Variants in PHLPP2 observed in about 807,000 individuals in gnomAD.
The protein encoded by PHLPP2 is PH domain leucine-rich repeat-containing protein phosphatase 2.
In PHLPP2, 66 loss-of-function variants were observed where a neutral mutation model predicts 124.9. That is an observed-to-expected ratio of 0.53 (90% CI 0.43 to 0.65). The LOEUF is 0.65. Among genes scored for constraint, PHLPP2 ranks in the 30% least tolerant of loss-of-function variants. The pLI is 0.00. For synonymous variants in PHLPP2, 681 were observed against 624.7 expected (o/e 1.09, Z -1.34); for missense variants, 1,685 against 1,600.4 (o/e 1.05, Z -0.90).
At chr16:71,720,005 G>C (rs1164882069) in intron 1 of PHLPP2, among the ~76,000 whole-genome samples, 1 of 102,266 alleles carries the variant, frequency 9.8e-6, no homozygotes, top group Non-Finnish European at 1.8e-5. Flanking sequence ...GAGTGTCGCT[G>C]TTGTCCAGGC....
At chr16:71,677,203 G>C (rs2044954636) in intron 8 of PHLPP2, 1 of 157,230 alleles carries the variant, frequency 6.4e-6, no homozygotes. Context: ...AAGGAAAAAA[G>C]AGGCCATATC....
At position 71,649,220 on chromosome 16, in the gene PHLPP2, G is replaced by A. The variant is rs1183233871; in HGVS notation, c.3642C>T (p.Gly1214=). The A allele has an allele frequency of 1.2e-6, 2 of 1,613,904 alleles. No homozygotes were observed. Among genetic ancestry groups the A allele is most frequent in the Non-Finnish European group, 1.7e-6 (2 of 1,179,862 alleles). ...TGTCCTTGCTCATTGGCAGGAGCAT[G>A]CCACTATTCACACTGTTCTGTCTTC... is the stretch of plus-strand genomic sequence containing the variant. The part of the protein sequence containing the change: ...GIRRQNSVNS[G]MLLPMSKDRM... Residue 1214 remains glycine, a synonymous_variant, in exon 19 of 19, where the codon GGC becomes GGT. Coordinates refer to ENST00000568954, the MANE Select transcript of PHLPP2 (RefSeq NM_015020.3).
At chr16:71,668,414 T>TA (rs2044858976) in intron 11 of PHLPP2, among the ~76,000 whole-genome samples, 1 of 43,656 alleles carries the variant, frequency 2.3e-5, no homozygotes, top group Non-Finnish European at 4.1e-5. Flanking sequence ...AGACTCTGTC[T>TA]CAAAAAAAAA....
chr16:71,658,890 C>A, intron 13 of PHLPP2, 75 bp from the exon 14 acceptor site: 1 of 1,370,230 alleles, frequency 7.3e-7, no homozygotes, highest in Non-Finnish European at 1.0e-6. Flanking sequence ...TCTACAGCAG[C>A]CACAGAGTAC....
At chr16:71,724,011 A>G (rs1193227257) in intron 1 of PHLPP2, 6 of 199,994 alleles carry the variant, frequency 3.0e-5, no homozygotes, top group African/African-American at 1.4e-4. Flanking sequence ...CCCCTCCCGC[A>G]GCCCCGCTGG....
Position 71,649,922 on chromosome 16 carries a change from C to T in PHLPP2, c.2940G>A (p.Leu980=), listed in dbSNP as rs1177084327. The T allele has an allele frequency of 6.2e-7, 1 of 1,614,194 alleles. No individual in the cohort carries two copies. Among genetic ancestry groups the T allele is most frequent in the East Asian group, 2.2e-5 (1 of 44,886 alleles). ...CCCACAATGCTTTGTTTCCCAGAAT[C>T]AGCAACTCATCTTGAATGGTCAGCG... ...STPLTIQDEL[L]ILGNKALWEH... is the part of the protein sequence containing the mutation. The change falls in exon 19 of 19, where the codon CTG becomes CTA. Residue 980 remains leucine, a synonymous_variant. Transcript: ENST00000568954.
At chr16:71,653,938 GTA>G (rs2044718627) in intron 17 of PHLPP2, among the ~76,000 whole-genome samples, 1 of 152,076 alleles carries the variant, frequency 6.6e-6, no homozygotes, top group Non-Finnish European at 1.5e-5. Context: ...GCTCACGCCT[GTA>G]ATCCCAGCAC....
intron 3 of PHLPP2, among the ~76,000 whole-genome samples, chr16:71,691,418 G>T (rs2045111389): frequency 6.6e-6 from 1 of 151,660 alleles, no homozygotes; most frequent in African/African-American, 2.4e-5. Context: ...CCAAGATCAT[G>T]CCACTGCACT....
At chr16:71,680,615 A>G (rs2044988151) in intron 6 of PHLPP2, among the ~76,000 whole-genome samples, 2 of 152,210 alleles carry the variant, frequency 1.3e-5, no homozygotes, top group African/African-American at 4.8e-5. Flanking sequence ...ATACTTCGTT[A>G]TTATACAAGT....
At chr16:71,669,471 G>A in intron 10 of PHLPP2, 101 bp from the exon 11 acceptor site, 1 of 802,306 alleles carries the variant, frequency 1.2e-6, no homozygotes, top group Non-Finnish European at 2.1e-6. Flanking sequence ...GAGCCCTTGA[G>A]GGCAGGAACA....
chr16:71,656,764 T>G, intron 15 of PHLPP2, 83 bp from the exon 16 acceptor site: 5 of 840,392 alleles, frequency 5.9e-6, no homozygotes, highest in Middle Eastern at 2.5e-4. Context: ...CTTTTTTTTT[T>G]TTTGAGATGG....
chr16:71,674,388 T>TGGGAA (rs2044924647), intron 9 of PHLPP2, among the ~76,000 whole-genome samples: 1 of 151,526 alleles, frequency 6.6e-6, no homozygotes, highest in Non-Finnish European at 1.5e-5. Context: ...CAGACTTTTT[T>TGGGAA]TTTTTTTTTT....
At chr16:71,655,113 A>G in intron 17 of PHLPP2, 127 bp downstream of exon 17, 1 of 681,760 alleles carries the variant, frequency 1.5e-6, no homozygotes, top group Non-Finnish European at 2.6e-6. Context: ...GAATGATCAT[A>G]GAAGACAACA....
At chr16:71,674,948 G>C (rs908821927) in intron 9 of PHLPP2, among the ~76,000 whole-genome samples, 1 of 152,218 alleles carries the variant, frequency 6.6e-6, no homozygotes, top group Non-Finnish European at 1.5e-5. Flanking sequence ...AGTGAGCTGA[G>C]ACCAGGCAAC....
chr16:71,660,807 G>A (rs895361696), intron 13 of PHLPP2, among the ~76,000 whole-genome samples: 1 of 152,000 alleles, frequency 6.6e-6, no homozygotes, highest in Non-Finnish European at 1.5e-5. Flanking sequence ...TTTCTGACTT[G>A]TAAATAGAAA....
At chr16:71,723,959 G>A (rs1420337128) in intron 1 of PHLPP2, 4 of 327,442 alleles carry the variant, frequency 1.2e-5, no homozygotes, top group Admixed American at 6.3e-5. Flanking sequence ...CCCGCCCCCC[G>A]CGGCCCGCCG....
chr16:71,684,421 C>T (rs1479031985), intron 5 of PHLPP2, 55 bp downstream of exon 5: 119 of 1,587,144 alleles, frequency 7.5e-5, no homozygotes, highest in East Asian at 2.0e-4. Context: ...CCACCACGCC[C>T]GGCCTAGGGT....
At chr16:71,652,061 C>CA (rs950010410) in intron 18 of PHLPP2, among the ~76,000 whole-genome samples, 8 of 151,810 alleles carry the variant, frequency 5.3e-5, no homozygotes, top group Non-Finnish European at 7.4e-5. Context: ...AAAAGCTCTG[C>CA]AAAAAAACAC....
chr16:71,698,401 A>G (rs1048221793), intron 3 of PHLPP2, among the ~76,000 whole-genome samples: 1 of 152,204 alleles, frequency 6.6e-6, no homozygotes, highest in Non-Finnish European at 1.5e-5. Flanking sequence ...TAGGGCCTCA[A>G]TCATGTGCTC....
Sources: allele counts gnomAD v4.1 joint callset (sites outside exome capture counted in the v4.1 genomes callset), GRCh38; gene constraint gnomAD v4.1.1; transcripts MANE v1.5; gene names NCBI Gene and HGNC (gene_info 2026-07-23, HGNC 2026-07-21).